SLC25A14: variants seen among roughly 807,000 people sequenced by gnomAD.
SLC25A14 encodes the protein brain mitochondrial carrier protein 1.
Under a neutral mutation model 28.1 loss-of-function variants are expected in SLC25A14, and 8 were observed. That is an observed-to-expected ratio of 0.28 (90% confidence interval 0.17 to 0.51). The LOEUF (loss-of-function observed/expected upper bound fraction) is 0.51. Among genes scored for constraint, SLC25A14 ranks in the 20% least tolerant of loss-of-function variants. SLC25A14 has a pLI of 0.97. For synonymous variants in SLC25A14, 74 were observed against 90.6 expected (o/e 0.82, Z 1.04); for missense variants, 135 against 263.8 (o/e 0.51, Z 3.38).
At chrX:130,342,948 C>G (rs764380290) in intron 2 of SLC25A14, among the ~76,000 whole-genome samples, 1 of 110,124 alleles carries the variant, frequency 9.1e-6, no homozygotes, top group South Asian at 3.9e-4. Context: ...ATTAGGGAAC[C>G]ACTGGGCTAA....
intron 9 of SLC25A14, among the ~76,000 whole-genome samples, chrX:130,369,233 G>A (rs1371673454): frequency 9.0e-6 from 1 of 110,849 alleles, no homozygotes; most frequent in Non-Finnish European, 1.9e-5. Context: ...AGTGAGCTAT[G>A]TAGTCTTGCC....
At chrX:130,364,091 C>G (rs2034052001) in intron 7 of SLC25A14, among the ~76,000 whole-genome samples, 1 of 111,366 alleles carries the variant, frequency 9.0e-6, no homozygotes, top group African/African-American at 3.3e-5. Context: ...AGTGGTATGT[C>G]CTTGTGGTTT....
chrX:130,345,318 A>G lies in SLC25A14; in HGVS notation c.169+43A>G, dbSNP rs373553386. On this transcript the variant is annotated intron_variant, in intron 3 of 10. Coordinates refer to ENST00000545805, the MANE Select transcript of SLC25A14 (RefSeq NM_001282195.2). ...GACAAATCTGCATTATACGGTATAGATGGTAGCTTATGATGATGGTTATTT... is the reference window on the plus strand; with the variant it reads ...GACAAATCTGCATTATACGGTATAGGTGGTAGCTTATGATGATGGTTATTT... The G allele has an allele frequency of 1.3e-4, 106 of 798,795 alleles. No individual in the cohort carries two copies. The African/African-American group carries it at 1.9e-3, about 15-fold the overall frequency. The allele number at this position is 798,795 out of a possible 1,213,427, so 65.8% of individuals were successfully genotyped here.
intron 9 of SLC25A14, among the ~76,000 whole-genome samples, chrX:130,368,952 T>A (rs1270802373): frequency 2.7e-5 from 3 of 112,715 alleles, no homozygotes; most frequent in Non-Finnish European, 5.6e-5. Context: ...TACTAAAAAA[T>A]TTTAATAGCA....
chrX:130,363,242 T>C lies in SLC25A14; in HGVS notation c.595-1386T>C, dbSNP rs187443786. Among the ~76,000 whole-genome samples, 6 of 112,373 alleles carry C rather than the reference T, an allele frequency of 5.3e-5. No homozygotes were observed. The East Asian group carries it at 1.7e-3, about 31-fold the overall frequency. Reference sequence around the variant, plus strand: ...TAGCTGTGGACAACCACTAATCTACTTTCTGTCTCTATAGATTTACCTGTT... The same window carrying C: ...TAGCTGTGGACAACCACTAATCTACCTTCTGTCTCTATAGATTTACCTGTT... On this transcript the variant is annotated intron_variant, in intron 7 of 10. Transcript: ENST00000545805.
chrX:130,369,575 C>G (rs771907066), intron 9 of SLC25A14, among the ~76,000 whole-genome samples: 1 of 112,162 alleles, frequency 8.9e-6, no homozygotes, highest in Non-Finnish European at 1.9e-5. Flanking sequence ...TGGGGAACTA[C>G]TTCAGCAAGG....
intron 2 of SLC25A14, among the ~76,000 whole-genome samples, chrX:130,343,497 G>A (rs956149515): frequency 3.6e-5 from 4 of 111,829 alleles, no homozygotes; most frequent in African/African-American, 1.3e-4. Context: ...GACTCTATAT[G>A]TGCTATGCTT....
At chrX:130,362,689 C>CA (rs1160122710) in intron 7 of SLC25A14, among the ~76,000 whole-genome samples, 1 of 112,080 alleles carries the variant, frequency 8.9e-6, no homozygotes, top group Non-Finnish European at 1.9e-5. Flanking sequence ...AACATGCTAT[C>CA]ATGCTATCAT....
chrX:130,364,550 T>C, intron 7 of SLC25A14, 78 bp from the exon 8 acceptor site: 1 of 743,528 alleles, frequency 1.3e-6, no homozygotes, highest in Non-Finnish European at 2.0e-6. Context: ...ACTTTTCAAC[T>C]CCTGACCTAT....
chrX:130,373,112 A>G lies in SLC25A14; in HGVS notation c.*162A>G, dbSNP rs2034304741. ...AGTGGGGTGGTTCAAAGTTATTTCT[A>G]TGTTTGTGTTACCATGTTAACTTTT... On this transcript the variant is annotated 3_prime_UTR_variant, in exon 11 of 11. Transcript: ENST00000545805. The G allele has an allele frequency of 2.4e-6, 1 of 423,933 alleles. No homozygotes were observed. The highest frequency in any genetic ancestry group is 4.1e-6 in the Non-Finnish European group (1 of 244,104). The allele number at this position is 423,933 out of a possible 1,213,427, so 34.9% of individuals were successfully genotyped here. A position where few individuals can be genotyped will look rare whatever the true frequency, so the allele number is the denominator to read the frequency against.
At chrX:130,355,791 TTTTA>T (rs769029717) in intron 6 of SLC25A14, among the ~76,000 whole-genome samples, 1 of 112,007 alleles carries the variant, frequency 8.9e-6, no homozygotes, top group African/African-American at 3.2e-5. Context: ...TCCATATACC[TTTTA>T]TTTATTTATT....
intron 7 of SLC25A14, among the ~76,000 whole-genome samples, chrX:130,360,623 G>T (rs2033939755): frequency 9.0e-6 from 1 of 111,567 alleles, no homozygotes; most frequent in Non-Finnish European, 1.9e-5. Flanking sequence ...TTTGCTTTTT[G>T]GTAACAGCAG....
intron 6 of SLC25A14, 132 bp from the exon 7 acceptor site, chrX:130,358,507 TA>T (rs1482198845): frequency 4.7e-6 from 2 of 428,244 alleles, no homozygotes; most frequent in African/African-American, 2.4e-5. Context: ...TAATAGCAGA[TA>T]TTTTTCTGGG....
At chrX:130,350,601 G>A in intron 5 of SLC25A14, 45 bp from the exon 6 acceptor site, 1 of 814,714 alleles carries the variant, frequency 1.2e-6, no homozygotes, top group Admixed American at 2.5e-5. Flanking sequence ...ACTCAAACTG[G>A]TGCCTAATAC....
chrX:130,370,250 C>T (rs1343587277), intron 9 of SLC25A14, among the ~76,000 whole-genome samples: 1 of 112,036 alleles, frequency 8.9e-6, no homozygotes, highest in South Asian at 3.7e-4. Context: ...ATAATTATCT[C>T]TAGTATACTT....
intron 9 of SLC25A14, 40 bp from the exon 10 acceptor site, chrX:130,371,524 A>G (rs763601323): frequency 1.6e-5 from 16 of 1,021,013 alleles, no homozygotes; most frequent in Admixed American, 1.6e-4. Context: ...ATGTAGAGAA[A>G]GGTGAATTCA....
chrX:130,359,676 A>T (rs1344757366), intron 7 of SLC25A14, among the ~76,000 whole-genome samples: 1 of 111,120 alleles, frequency 9.0e-6, no homozygotes, highest in Non-Finnish European at 1.9e-5. Context: ...TTTTAAATAA[A>T]AATGAGAGCT....
chrX:130,364,289 C>T (rs1040849517), intron 7 of SLC25A14, among the ~76,000 whole-genome samples: 2 of 111,377 alleles, frequency 1.8e-5, no homozygotes, highest in Admixed American at 9.5e-5. Flanking sequence ...GATATATGAG[C>T]GGCAAATGTT....
chrX:130,363,012 A>C (rs1415376139), intron 7 of SLC25A14, among the ~76,000 whole-genome samples: 1 of 112,548 alleles, frequency 8.9e-6, no homozygotes, highest in Non-Finnish European at 1.9e-5. Context: ...TATTGGGAAA[A>C]TTCACATATT....
Sources: allele counts gnomAD v4.1 joint callset (sites outside exome capture counted in the v4.1 genomes callset), GRCh38; gene constraint gnomAD v4.1.1; transcripts MANE v1.5; gene names NCBI Gene and HGNC (gene_info 2026-07-23, HGNC 2026-07-21).